The following MYCBP2 variants were observed in gnomAD, a reference collection of about 807,000 sequenced individuals.
The protein encoded by MYCBP2 is E3 ubiquitin-protein ligase MYCBP2.
Under a neutral mutation model 525.3 loss-of-function variants are expected in MYCBP2, and 120 were observed. The ratio of observed to expected loss-of-function variants is 0.23; its 90% CI spans 0.20 to 0.27. The LOEUF (loss-of-function observed/expected upper bound fraction) is 0.27, where lower values mean the gene tolerates loss of function less well. Ranked by LOEUF, MYCBP2 falls within the 10% of genes least tolerant of loss-of-function variation. The pLI is 1.00. For synonymous variants in MYCBP2, 1,894 were observed against 1,955.8 expected, an observed-to-expected ratio of 0.97 and a Z score of 0.83; for missense variants, 4,149 against 5,657.1, an observed-to-expected ratio of 0.73 and a Z score of 8.55.
At chr13:77,303,813 CAAG>C (rs946537722) in intron 1 of MYCBP2, among the ~76,000 whole-genome samples, 1 of 149,362 alleles carries the variant, frequency 6.7e-6, no homozygotes, top group African/African-American at 2.4e-5. Flanking sequence ...ACTTACAACT[CAAG>C]AAGCTAGAAA....
At chr13:77,172,231 G>A (rs2078296282) in intron 37 of MYCBP2, among the ~76,000 whole-genome samples, 1 of 151,184 alleles carries the variant, frequency 6.6e-6, no homozygotes, top group African/African-American at 2.4e-5. Flanking sequence ...AAAGACCCAC[G>A]CGAAGAGCTG....
chr13:77,310,106 G>A (rs528531891), intron 1 of MYCBP2, among the ~76,000 whole-genome samples: 7 of 152,134 alleles, frequency 4.6e-5, no homozygotes, highest in African/African-American at 1.2e-4. Context: ...GTGAGACTCC[G>A]TCTCAGAAAA....
chr13:77,267,521 G>A (rs1479251715), intron 8 of MYCBP2, among the ~76,000 whole-genome samples: 2 of 152,024 alleles, frequency 1.3e-5, no homozygotes, highest in Non-Finnish European at 2.9e-5. Context: ...AGTCACATGA[G>A]AGCCAGAGTT....
intron 49 of MYCBP2, among the ~76,000 whole-genome samples, chr13:77,141,371 TC>T: frequency 6.6e-6 from 1 of 152,308 alleles, no homozygotes; most frequent in East Asian, 1.9e-4. Context: ...TACTCCAATA[TC>T]TCGCACTAAC....
chr13:77,063,826 A>C (rs1404443505), intron 73 of MYCBP2, among the ~76,000 whole-genome samples: 1 of 152,208 alleles, frequency 6.6e-6, no homozygotes, highest in African/African-American at 2.4e-5. Flanking sequence ...AGAAAGCAAC[A>C]CATGAGTGGT....
intron 68 of MYCBP2, among the ~76,000 whole-genome samples, chr13:77,074,002 G>GCCC (rs34371055): frequency 2.3e-4 from 25 of 106,644 alleles, no homozygotes; most frequent in African/African-American, 6.2e-4. Flanking sequence ...CATCCCCACC[G>GCCC]CCCCCCCCCC....
chr13:77,326,030 T>A lies in MYCBP2; in HGVS notation c.302+444A>T, dbSNP rs2082248108. Among the ~76,000 whole-genome samples the A allele has an allele frequency of 6.6e-6, 1 of 152,114 alleles. No individual in the cohort carries two copies. Among genetic ancestry groups the A allele is most frequent in the Non-Finnish European group, 1.5e-5 (1 of 68,022 alleles). On this transcript the variant is annotated intron_variant, in intron 1 of 82. Transcript: ENST00000544440. This position sits in a 1 kb window ranked among gnomAD's most constrained non-coding sequence, Gnocchi z 4.2. ...GGAATGTCATGGGAGAGGCGGCACG[T>A]GCAAATAACATTGCGGCAGAGACAC...
intron 62 of MYCBP2, among the ~76,000 whole-genome samples, chr13:77,083,819 A>G (rs2043744616): frequency 6.6e-6 from 1 of 152,092 alleles, no homozygotes; most frequent in Non-Finnish European, 1.5e-5. Context: ...ATAAAAAAAT[A>G]CCATAAAAAG....
chr13:77,095,854 T>C (rs1282133208), intron 57 of MYCBP2, among the ~76,000 whole-genome samples: 1 of 152,156 alleles, frequency 6.6e-6, no homozygotes, highest in Non-Finnish European at 1.5e-5. Flanking sequence ...TAAATCTAAA[T>C]GTAATTCATT....
At chr13:77,064,565 G>C in intron 73 of MYCBP2, 50 bp downstream of exon 73, 1 of 1,512,858 alleles carries the variant, frequency 6.6e-7, no homozygotes. Flanking sequence ...AAAAGAACAC[G>C]CAATGATACA....
At chr13:77,147,218 C>T (rs1299276895) in intron 47 of MYCBP2, among the ~76,000 whole-genome samples, 1 of 151,946 alleles carries the variant, frequency 6.6e-6, no homozygotes, top group Non-Finnish European at 1.5e-5. Flanking sequence ...AAAATATATA[C>T]AGGAATGAGA....
chr13:77,261,272 T>C lies in MYCBP2; in HGVS notation c.1751A>G (p.His584Arg). 1.9e-6 allele frequency: 3 copies of C among 1,613,704 alleles called. No homozygotes were observed. Among genetic ancestry groups the C allele is most frequent in the Non-Finnish European group, 2.5e-6 (3 of 1,179,760 alleles). ...LPITKSPKIV[H>R]FSVGHDGSHA... Reference sequence around the variant, plus strand: ...AGAGCCATCGTGTCCAACTGAGAAGTGTACTATCTTTGGAGATTTTGTAAT... The same window carrying C: ...AGAGCCATCGTGTCCAACTGAGAAGCGTACTATCTTTGGAGATTTTGTAAT... Residue 584 changes from histidine to arginine, a missense_variant, in exon 12 of 83, where the codon CAC (histidine) becomes CGC (arginine). His to Arg is a conservative substitution (Grantham distance 29, BLOSUM62 0). This residue lies in a region of MYCBP2 where 262 missense variants were observed against 419.3 expected (regional missense o/e 0.62). Transcript: ENST00000544440.
intron 52 of MYCBP2, among the ~76,000 whole-genome samples, chr13:77,130,935 A>C (rs1365572513): frequency 1.3e-5 from 2 of 152,208 alleles, no homozygotes. Flanking sequence ...CTCTCTTTTA[A>C]GTCAATGTGC....
chr13:77,140,008 T>C (rs1223453936), intron 51 of MYCBP2, 39 bp downstream of exon 51: 1 of 1,417,702 alleles, frequency 7.1e-7, no homozygotes, highest in African/African-American at 1.4e-5. Flanking sequence ...AAAAACTTTC[T>C]GTCCAAAATT....
At chr13:77,156,322 C>A (rs978395631) in intron 45 of MYCBP2, 120 bp from the exon 46 acceptor site, 1 of 895,680 alleles carries the variant, frequency 1.1e-6, no homozygotes, top group Non-Finnish European at 1.6e-6. Context: ...AAAACATTAT[C>A]TTCATTTCCA....
intron 13 of MYCBP2, among the ~76,000 whole-genome samples, chr13:77,259,574 T>C (rs946625755): frequency 1.3e-5 from 2 of 152,224 alleles, no homozygotes; most frequent in Non-Finnish European, 2.9e-5. Context: ...CTGCAGCCAA[T>C]TGAGAATCTA....
intron 3 of MYCBP2, among the ~76,000 whole-genome samples, chr13:77,283,892 T>C (rs1243879814): frequency 6.6e-6 from 1 of 152,154 alleles, no homozygotes; most frequent in Non-Finnish European, 1.5e-5. Context: ...AGCCAGACCC[T>C]GTCTCAAAAT....
At position 77,168,542 on chromosome 13, in the gene MYCBP2, A is replaced by G. The variant is rs2058777609; in HGVS notation, c.6000T>C (p.Asp2000=). 2 of 1,614,130 alleles carry G rather than the reference A, an allele frequency of 1.2e-6. No individual in the cohort carries two copies. Among genetic ancestry groups the G allele is most frequent in the East Asian group, 4.5e-5 (2 of 44,878 alleles). ...PPAFNPNQST[D]STTGNQPEQG... ...GTTCAGGCTGGTTTCCTGTGGTGCT[A>G]TCTGTCGACTGATTAGGGTTGAAGG... The change falls in exon 40 of 83, where the codon GAT becomes GAC. Residue 2000 remains aspartate (D), a synonymous_variant. Transcript: ENST00000544440.
At chr13:77,150,271 T>C (rs906674964) in intron 47 of MYCBP2, among the ~76,000 whole-genome samples, 2 of 152,196 alleles carry the variant, frequency 1.3e-5, no homozygotes, top group Admixed American at 1.3e-4. Flanking sequence ...GCAAGAATAG[T>C]AAACTGCAAA....
Sources: gnomAD v4.1 joint callset for allele counts (sites outside exome capture counted in the v4.1 genomes callset) on GRCh38, gnomAD v4.1.1 for gene constraint, gnomAD v4.1.1 regional missense constraint, Gnocchi (gnomAD v3.1) non-coding constraint, MANE v1.5 for transcripts, NCBI Gene and HGNC (gene_info 2026-07-23, HGNC 2026-07-21) for gene names.